The following NTRK2 variants were observed in gnomAD, a reference collection of about 807,000 sequenced individuals.
NTRK2 encodes BDNF/NT-3 growth factors receptor.
NTRK2 carries 13 observed loss-of-function variants against 94.5 expected under a neutral mutation model. That is an observed-to-expected ratio of 0.14 (90% CI 0.09 to 0.22). NTRK2 has a LOEUF of 0.22. Among genes scored for constraint, NTRK2 ranks in the 10% least tolerant of loss-of-function variants. The pLI is 1.00. For synonymous variants in NTRK2, 372 were observed against 407.4 expected (o/e 0.91, Z 1.05); for missense variants, 639 against 1,071.2 (o/e 0.60, Z 5.63).
At position 84,670,394 on chromosome 9, in the gene NTRK2, G is replaced by A. The variant is rs200756287; in HGVS notation, c.-355G>A. On this transcript the variant is annotated 5_prime_UTR_variant, in exon 2 of 19. Transcript: ENST00000277120. ...GTCCTCAGCCTCGAGGTGCATACCG[G>A]ACCCCCATTCGCATCTAACAAGGAA... 2.4e-6 allele frequency: 1 copy of A among 416,108 alleles called. No homozygotes were observed. The highest frequency in any genetic ancestry group is 4.4e-6 in the Non-Finnish European group (1 of 227,040). The allele number at this position is 416,108 out of a possible 1,614,324, so 25.8% of individuals were successfully genotyped here.
At chr9:84,778,893 T>C (rs1165062206) in intron 12 of NTRK2, among the ~76,000 whole-genome samples, 6 of 152,190 alleles carry the variant, frequency 3.9e-5, no homozygotes, top group Admixed American at 1.3e-4. Flanking sequence ...CCCTCCTCAA[T>C]GTTGAGGGAT....
chr9:84,868,481 T>C (rs959403655), intron 14 of NTRK2, among the ~76,000 whole-genome samples: 4 of 152,190 alleles, frequency 2.6e-5, no homozygotes, highest in African/African-American at 9.7e-5. Context: ...AGGTTGGATA[T>C]GAGTTTAAAT....
intron 2 of NTRK2, among the ~76,000 whole-genome samples, chr9:84,688,620 T>A (rs551621010): frequency 6.6e-6 from 1 of 152,318 alleles, no homozygotes; most frequent in Admixed American, 6.5e-5. Context: ...CTCCTTTCTC[T>A]CTTCCCCATA....
chr9:84,673,786 T>C (rs527998693), intron 2 of NTRK2, among the ~76,000 whole-genome samples: 1 of 152,348 alleles, frequency 6.6e-6, no homozygotes, highest in African/African-American at 2.4e-5. Context: ...CCCATCACAG[T>C]ACCTGTTTTA....
intron 2 of NTRK2, among the ~76,000 whole-genome samples, chr9:84,694,342 G>A (rs564913407): frequency 3.3e-5 from 5 of 152,228 alleles, no homozygotes; most frequent in Non-Finnish European, 7.3e-5. Flanking sequence ...TCCATAAAGA[G>A]GGAGTTACTG....
chr9:84,816,601 A>G (rs2072421871), intron 12 of NTRK2, among the ~76,000 whole-genome samples: 1 of 151,928 alleles, frequency 6.6e-6, no homozygotes, highest in Non-Finnish European at 1.5e-5. Context: ...CAATGTGGTG[A>G]AACCCTGTCT....
At chr9:84,916,071 G>T (rs2077383604) in intron 14 of NTRK2, among the ~76,000 whole-genome samples, 1 of 151,960 alleles carries the variant, frequency 6.6e-6, no homozygotes, top group African/African-American at 2.4e-5. Flanking sequence ...TCAGTCCAGA[G>T]TCCACAACGT....
chr9:84,890,990 C>A (rs1027465414), intron 14 of NTRK2, among the ~76,000 whole-genome samples: 2 of 152,180 alleles, frequency 1.3e-5, no homozygotes, highest in Non-Finnish European at 2.9e-5. Flanking sequence ...GTGTGACAAA[C>A]CACCCCACCA....
At chr9:84,685,377 T>TC (rs2059647610) in intron 2 of NTRK2, among the ~76,000 whole-genome samples, 1 of 152,022 alleles carries the variant, frequency 6.6e-6, no homozygotes, top group African/African-American at 2.4e-5. Context: ...TTTTTTTTTT[T>TC]TCTACTTGAA....
intron 12 of NTRK2, among the ~76,000 whole-genome samples, chr9:84,763,130 CAG>C (rs1311707095): frequency 2.0e-5 from 3 of 152,158 alleles, no homozygotes; most frequent in African/African-American, 7.2e-5. Flanking sequence ...ACATACTATG[CAG>C]AGACATACTA....
intron 2 of NTRK2, among the ~76,000 whole-genome samples, chr9:84,680,237 G>A (rs56031336): frequency 0.037 from 5,643 of 152,236 alleles, 141 homozygotes; most frequent in Non-Finnish European, 0.058. Context: ...GAGGCAAGGA[G>A]CCCCTGAGCA....
chr9:84,967,751 T>C (rs1478739624), intron 17 of NTRK2, among the ~76,000 whole-genome samples: 1 of 152,240 alleles, frequency 6.6e-6, no homozygotes, highest in African/African-American at 2.4e-5. Flanking sequence ...TTGAGGCTCA[T>C]GCCTCGCCTT....
At chr9:84,874,639 C>T in intron 14 of NTRK2, 1 of 1,061,796 alleles carries the variant, frequency 9.4e-7, no homozygotes, top group Non-Finnish European at 1.1e-6. Flanking sequence ...GGGGAGAGAG[C>T]TACTTCTTAG....
At chr9:84,774,618 T>C (rs927826965) in intron 12 of NTRK2, among the ~76,000 whole-genome samples, 4 of 152,128 alleles carry the variant, frequency 2.6e-5, no homozygotes, top group African/African-American at 4.8e-5. Flanking sequence ...AACACTAGCA[T>C]TGGGGAAAAG....
chr9:84,690,016 A>G (rs1316365266), intron 2 of NTRK2, among the ~76,000 whole-genome samples: 1 of 152,188 alleles, frequency 6.6e-6, no homozygotes, highest in African/African-American at 2.4e-5. Flanking sequence ...TATGATTGGA[A>G]TTTCTTTCCA....
chr9:84,912,896 G>A (rs1035754349), intron 14 of NTRK2, among the ~76,000 whole-genome samples: 3 of 152,058 alleles, frequency 2.0e-5, no homozygotes, highest in Non-Finnish European at 1.5e-5. Context: ...GATTACAGGC[G>A]TGAGCCACTG....
At chr9:84,764,583 A>G (rs920003704) in intron 12 of NTRK2, among the ~76,000 whole-genome samples, 1 of 152,198 alleles carries the variant, frequency 6.6e-6, no homozygotes, top group Non-Finnish European at 1.5e-5. Flanking sequence ...TATCAAAAAT[A>G]TTATTTTATT....
At chr9:84,935,854 T>C (rs1251865308) in intron 15 of NTRK2, among the ~76,000 whole-genome samples, 3 of 152,244 alleles carry the variant, frequency 2.0e-5, no homozygotes, top group East Asian at 3.8e-4. Flanking sequence ...TCTTACTGTA[T>C]CTTTTTTTTC....
chr9:84,852,217 C>T (rs1359706778), intron 12 of NTRK2, among the ~76,000 whole-genome samples: 2 of 152,224 alleles, frequency 1.3e-5, no homozygotes, highest in African/African-American at 4.8e-5. Context: ...AGATGATTCC[C>T]TGAGAATCAG....
Sources: allele counts gnomAD v4.1 joint callset (sites outside exome capture counted in the v4.1 genomes callset), GRCh38; gene constraint gnomAD v4.1.1; transcripts MANE v1.5; gene names NCBI Gene and HGNC (gene_info 2026-07-23, HGNC 2026-07-21).